Variants in ITGB4 observed in about 807,000 individuals in gnomAD.
ITGB4 encodes integrin beta-4.
ITGB4 carries 159 observed loss-of-function variants against 207.6 expected under a neutral mutation model. The ratio of observed to expected loss-of-function variants is 0.77; its 90% confidence interval spans 0.67 to 0.87. ITGB4 has a LOEUF of 0.87. Ranked by LOEUF, ITGB4 falls within the 40% of genes least tolerant of loss-of-function variation. The pLI is 0.00. For missense variants in ITGB4, 2,278 were observed against 2,546.8 expected (o/e 0.89, Z 2.27); for synonymous variants, 1,020 against 1,062.7 (o/e 0.96, Z 0.78).
chr17:75,737,781 C>T (rs1324310585), intron 18 of ITGB4, 137 bp downstream of exon 18: 2 of 761,426 alleles, frequency 2.6e-6, no homozygotes, highest in East Asian at 5.3e-5. Context: ...CCTGGGTCCC[C>T]ACCTCCCCAG....
Position 75,742,500 on chromosome 17 carries a change from G to A in ITGB4, c.2782+11G>A, listed in dbSNP as rs779297984. On this transcript the variant is annotated intron_variant, in intron 24 of 39. Transcript: ENST00000200181. This position sits in a 1 kb window ranked among gnomAD's most constrained non-coding sequence, Gnocchi z 5.9. ...TCACTGCAGACCAGGGTAGGAGGGCGGGTCCGCTGTGCCACTGCCTCGCAC... is the reference window on the plus strand; with the variant it reads ...TCACTGCAGACCAGGGTAGGAGGGCAGGTCCGCTGTGCCACTGCCTCGCAC... 8 of 1,612,888 alleles carry A rather than the reference G, an allele frequency of 5.0e-6. No homozygotes were observed. The highest frequency in any genetic ancestry group is 1.1e-5 in the South Asian group (1 of 91,036).
chr17:75,748,724 C>A, intron 26 of ITGB4, 117 bp from the exon 27 acceptor site: 1 of 734,088 alleles, frequency 1.4e-6, no homozygotes, highest in South Asian at 1.7e-5. Context: ...GTAAGTACTC[C>A]ACCCAGCAAG....
Position 75,737,358 on chromosome 17 carries a change from A to G in ITGB4, c.2027A>G (p.Glu676Gly). Residue 676 changes from glutamate to glycine, a missense_variant, in exon 17 of 40, where the codon GAG (glutamate) becomes GGG (glycine). By Grantham distance (98) the Glu-to-Gly change is moderately conservative. Transcript: ENST00000200181. ...GTGGTGCGCTGCTCCTTCCGGGACG[A>G]GGATGACGACTGCACCTACAGCTAC... ...EVVVRCSFRDEDDDCTYSYTM... is the reference protein window; with the variant it reads ...EVVVRCSFRDGDDDCTYSYTM... 1.3e-6 allele frequency: 2 copies of G among 1,590,058 alleles called. No individual in the cohort carries two copies. The highest frequency in any genetic ancestry group is 1.7e-6 in the Non-Finnish European group (2 of 1,168,650).
At chr17:75,748,150 C>T (rs146765545) in intron 26 of ITGB4, among the ~76,000 whole-genome samples, 2,428 of 135,024 alleles carry the variant, frequency 0.018, 28 homozygotes, top group Non-Finnish European at 0.024. Context: ...CGCTTGAGGC[C>T]GGGAGTTCAA....
In ITGB4 at chr17:75,727,253, G is replaced by A. The variant is rs781314847; in HGVS notation, c.138G>A (p.Lys46=). 6.2e-7 allele frequency: 1 copy of A among 1,614,042 alleles called. No homozygotes were observed. Among genetic ancestry groups the A allele is most frequent in the Non-Finnish European group, 8.5e-7 (1 of 1,179,980 alleles). The change falls in exon 3 of 40, where the codon AAG becomes AAA. Residue 46 remains lysine (K), a synonymous_variant. Transcript: ENST00000200181. The surrounding 1 kb of genome is among the most constrained non-coding windows in gnomAD (Gnocchi z 6.0). ...KSCTECVRVD[K]DCAYCTDEMF... ...GCACGGAGTGTGTCCGTGTGGATAAGGACTGCGCCTACTGCACAGACGAGG... is the reference window on the plus strand; with the variant it reads ...GCACGGAGTGTGTCCGTGTGGATAAAGACTGCGCCTACTGCACAGACGAGG...
chr17:75,736,774 G>A, intron 16 of ITGB4, 80 bp downstream of exon 16: 1 of 1,484,644 alleles, frequency 6.7e-7, no homozygotes, highest in Non-Finnish European at 9.2e-7. Context: ...TCATCACCTG[G>A]ACGGGGGCTT....
chr17:75,733,565 G>A lies in ITGB4; in HGVS notation c.1530G>A (p.Lys510=). Residue 510 remains lysine, a synonymous_variant, in exon 13 of 40, where the codon AAG becomes AAA. Transcript: ENST00000200181. ...IQPCLREGED[K]PCSGRGECQC... ...CCTGCCTGCGGGAGGGCGAGGACAA[G>A]CCGTGCTCCGGCCGTGGGGAGTGCC... The A allele has an allele frequency of 1.9e-6, 3 of 1,614,074 alleles. No homozygotes were observed. Among genetic ancestry groups the A allele is most frequent in the Admixed American group, 3.3e-5 (2 of 60,034 alleles).
rs121912468 is a variant in ITGB4 at position 75,750,992 on chromosome 17, G to A, written c.3674G>A (p.Arg1225His). 8 of 1,613,680 alleles carry A rather than the reference G, an allele frequency of 5.0e-6. No individual in the cohort carries two copies. Among genetic ancestry groups the A allele is most frequent in the Non-Finnish European group, 6.8e-6 (8 of 1,180,040 alleles). Residue 1225 changes from arginine (R) to histidine (H), a missense_variant, in exon 30 of 40, where the codon CGT (arginine) becomes CAT (histidine). Coordinates refer to ENST00000200181, the MANE Select transcript of ITGB4 (RefSeq NM_000213.5). This position sits in a 1 kb window ranked among gnomAD's most constrained non-coding sequence, Gnocchi z 5.5. ...TCCCTAGTGCCCAGCGAGCCAGGGC[G>A]TCTGGCCTTCAATGTCGTCTCCTCC... ...THQEVPSEPG[R>H]LAFNVVSSTV...
intron 2 of ITGB4, among the ~76,000 whole-genome samples, chr17:75,726,941 C>T (rs905234509): frequency 1.3e-5 from 2 of 151,754 alleles, no homozygotes; most frequent in South Asian, 2.1e-4. Flanking sequence ...GGCGTGGTGG[C>T]GGGCGCCTGT....
At chr17:75,744,558 G>C (rs9913941) in intron 26 of ITGB4, among the ~76,000 whole-genome samples, 2,215 of 152,230 alleles carry the variant, frequency 0.015, 27 homozygotes, top group Middle Eastern at 0.027. Flanking sequence ...GGGGGCTTTG[G>C]GTTTCTTGAG....
rs566003485 is a variant in ITGB4, at chr17:75,740,844, A to G, written c.2602A>G (p.Lys868Glu). The G allele has an allele frequency of 1.2e-6, 2 of 1,613,742 alleles. No homozygotes were observed. Among genetic ancestry groups the G allele is most frequent in the African/African-American group, 2.7e-5 (2 of 75,038 alleles). The change falls in exon 22 of 40, where the codon AAG becomes GAG. Residue 868 changes from lysine (K) to glutamate (E), a missense_variant. Coordinates refer to ENST00000200181, the MANE Select transcript of ITGB4 (RefSeq NM_000213.5). This position sits in a 1 kb window ranked among gnomAD's most constrained non-coding sequence, Gnocchi z 5.9. The stretch of plus-strand genomic sequence containing the variant: ...CGGTGTACACAAGCTCCAGCAGACC[A>G]AGTTCCGGTGAGTCCCGGGGTGCCC... ...ISGVHKLQQT[K>E]FRQQPNAGKK... is the part of the protein sequence containing the mutation.
Position 75,750,213 on chromosome 17 carries a change from C to T in ITGB4, c.3419C>T (p.Ser1140Phe), listed in dbSNP as rs1450305234. ...PQNPNAKAAG[S>F]RKIHFNWLPP... ...AACCCCAATGCTAAGGCCGCTGGGT[C>T]CAGGAAGATCCATTTCAACTGGCTG... is the stretch of plus-strand genomic sequence containing the variant. Residue 1140 changes from serine (S) to phenylalanine (F), a missense_variant, in exon 28 of 40, where the codon TCC becomes TTC. Physicochemically the swap from Ser to Phe is radical, Grantham distance 155 (BLOSUM62 -2). Coordinates refer to ENST00000200181, the MANE Select transcript of ITGB4 (RefSeq NM_000213.5). The surrounding 1 kb of genome is among the most constrained non-coding windows in gnomAD (Gnocchi z 5.5). 2 of 1,613,794 alleles carry T rather than the reference C, an allele frequency of 1.2e-6. No individual in the cohort carries two copies. Among genetic ancestry groups the T allele is most frequent in the Non-Finnish European group, 1.7e-6 (2 of 1,180,004 alleles).
At position 75,727,569 on chromosome 17, in the gene ITGB4, A is replaced by G; in HGVS notation, c.264+64A>G. 6.3e-7 allele frequency: 1 copy of G among 1,593,672 alleles called. No homozygotes were observed. Among genetic ancestry groups the G allele is most frequent in the Non-Finnish European group, 8.6e-7 (1 of 1,169,274 alleles). Reference sequence around the variant, plus strand: ...TCAGCCTGGCTATTTATGGGGGTGTATAGTGCCCCTTGGCCGGGCTGGGCC... The same window carrying G: ...TCAGCCTGGCTATTTATGGGGGTGTGTAGTGCCCCTTGGCCGGGCTGGGCC... On this transcript the variant is annotated intron_variant, in intron 4 of 39. Transcript: ENST00000200181. The surrounding 1 kb of genome is among the most constrained non-coding windows in gnomAD (Gnocchi z 6.0).
chr17:75,736,209 A>T, intron 14 of ITGB4, 55 bp downstream of exon 14: 1 of 1,605,640 alleles, frequency 6.2e-7, no homozygotes, highest in Non-Finnish European at 8.5e-7. Context: ...CCCTCTCCAG[A>T]GAGAACCCTA....
In ITGB4 at chr17:75,728,425, A is replaced by G. The variant is rs2060772594; in HGVS notation, c.518A>G (p.Lys173Arg). The G allele has an allele frequency of 4.3e-6, 7 of 1,614,162 alleles. No homozygotes were observed. The highest frequency in any genetic ancestry group is 5.9e-6 in the Non-Finnish European group (7 of 1,180,002). The change falls in exon 6 of 40, where the codon AAG (lysine) becomes AGG (arginine). Residue 173 changes from lysine (K) to arginine (R), a missense_variant. Transcript: ENST00000200181. Reference protein sequence around the residue: ...LTSDYTIGFGKFVDKVSVPQT... With the variant: ...LTSDYTIGFGRFVDKVSVPQT... ...AGCGACTACACTATTGGATTTGGCAAGTTTGTGGACAAAGTCAGCGTCCCG... is the reference window on the plus strand; with the variant it reads ...AGCGACTACACTATTGGATTTGGCAGGTTTGTGGACAAAGTCAGCGTCCCG...
At chr17:75,733,406 TA>T (rs1410893873) in intron 12 of ITGB4, 83 bp from the exon 13 acceptor site, 1 of 1,067,654 alleles carries the variant, frequency 9.4e-7, no homozygotes, top group African/African-American at 1.6e-5. Context: ...ATAAAATAAT[TA>T]AATTAAATTA....
At position 75,750,982 on chromosome 17, in the gene ITGB4, G is replaced by A. The variant is rs922261568; in HGVS notation, c.3664G>A (p.Glu1222Lys). The A allele has an allele frequency of 1.2e-6, 2 of 1,613,672 alleles. No individual in the cohort carries two copies. The highest frequency in any genetic ancestry group is 1.7e-5 in the Admixed American group (1 of 60,018). ...SCRTHQEVPS[E>K]PGRLAFNVVS... is the part of the protein sequence containing the mutation. ...TATTCCCCGCTCCCTAGTGCCCAGC[G>A]AGCCAGGGCGTCTGGCCTTCAATGT... The change falls in exon 30 of 40, where the codon GAG (glutamate) becomes AAG (lysine). Residue 1222 changes from glutamate (E) to lysine (K), a missense_variant. Physicochemically the swap from Glu to Lys is moderately conservative, Grantham distance 56. Coordinates refer to ENST00000200181, the MANE Select transcript of ITGB4 (RefSeq NM_000213.5). The surrounding 1 kb of genome is among the most constrained non-coding windows in gnomAD (Gnocchi z 5.5).
intron 32 of ITGB4, among the ~76,000 whole-genome samples, chr17:75,753,320 A>G (rs1228117709): frequency 1.3e-5 from 2 of 152,178 alleles, no homozygotes; most frequent in Non-Finnish European, 2.9e-5. Flanking sequence ...CTGGAACCCC[A>G]GCTCAGCTGC....
At chr17:75,728,312 G>T in intron 5 of ITGB4, 65 bp from the exon 6 acceptor site, 1 of 1,387,884 alleles carries the variant, frequency 7.2e-7, no homozygotes, top group African/African-American at 1.4e-5. Flanking sequence ...GCCCTTGGTG[G>T]GGGGCCCGTG....
Sources: allele counts gnomAD v4.1 joint callset (sites outside exome capture counted in the v4.1 genomes callset), GRCh38; gene constraint gnomAD v4.1.1; non-coding constraint Gnocchi (gnomAD v3.1); transcripts MANE v1.5; gene names NCBI Gene and HGNC (gene_info 2026-07-23, HGNC 2026-07-21).